Variants in CNTN5 observed in about 807,000 individuals in gnomAD.
CNTN5 encodes contactin 5.
Under a neutral mutation model 129.1 loss-of-function variants are expected in CNTN5, and 77 were observed. The ratio of observed to expected loss-of-function variants is 0.60; its 90% confidence interval spans 0.50 to 0.72. CNTN5 has a LOEUF of 0.72. CNTN5 is among the 30% of genes least tolerant of loss of function. The probability of loss-of-function intolerance (pLI) is 0.00; values close to 1 mark genes in which losing one functional copy is unlikely to be tolerated. For missense variants in CNTN5, 1,478 were observed against 1,328.8 expected, an observed-to-expected ratio of 1.11 and a Z score of -1.75; for synonymous variants, 509 against 465.6, an observed-to-expected ratio of 1.09 and a Z score of -1.20.
At chr11:99,627,581 A>T (rs1235637970) in intron 3 of CNTN5, among the ~76,000 whole-genome samples, 1 of 152,108 alleles carries the variant, frequency 6.6e-6, no homozygotes, top group East Asian at 1.9e-4. Context: ...ATTTAGAAGA[A>T]ATATGTGTCT....
At chr11:99,084,253 T>C (rs1324175709) in intron 1 of CNTN5, among the ~76,000 whole-genome samples, 1 of 152,232 alleles carries the variant, frequency 6.6e-6, no homozygotes, top group Non-Finnish European at 1.5e-5. Context: ...AGTAATTCTT[T>C]GAATCTTCAA....
chr11:99,357,261 A>G (rs1014420827), intron 2 of CNTN5, among the ~76,000 whole-genome samples: 1 of 152,136 alleles, frequency 6.6e-6, no homozygotes, highest in Non-Finnish European at 1.5e-5. Context: ...TAAAATTCTC[A>G]GACTTCAATA....
chr11:99,365,038 T>C (rs1415476443), intron 2 of CNTN5, among the ~76,000 whole-genome samples: 5 of 152,106 alleles, frequency 3.3e-5, no homozygotes, highest in Non-Finnish European at 7.4e-5. Context: ...AAAAACCTAA[T>C]TAAGGATCTA....
intron 2 of CNTN5, among the ~76,000 whole-genome samples, chr11:99,380,235 C>CT (rs1940456419): frequency 1.3e-5 from 2 of 151,970 alleles, no homozygotes. Context: ...GATGTTTATA[C>CT]TTTTTTTCAG....
chr11:99,615,132 G>T (rs1950720875), intron 3 of CNTN5, among the ~76,000 whole-genome samples: 1 of 150,080 alleles, frequency 6.7e-6, no homozygotes, highest in African/African-American at 2.4e-5. Context: ...TCTTGCCGAG[G>T]AAGAGTGAAT....
intron 21 of CNTN5, among the ~76,000 whole-genome samples, chr11:100,319,533 C>T (rs1951642572): frequency 6.6e-6 from 1 of 152,166 alleles, no homozygotes; most frequent in African/African-American, 2.4e-5. Context: ...CATACAATGA[C>T]TAAATCTAGC....
At chr11:99,502,490 G>A (rs1946463642) in intron 2 of CNTN5, among the ~76,000 whole-genome samples, 1 of 152,060 alleles carries the variant, frequency 6.6e-6, no homozygotes, top group Non-Finnish European at 1.5e-5. Context: ...GGTTTTATAA[G>A]GAGCTCTTCC....
intron 1 of CNTN5, among the ~76,000 whole-genome samples, chr11:99,096,202 AAAT>A (rs1222018850): frequency 6.6e-6 from 1 of 151,938 alleles, no homozygotes; most frequent in Non-Finnish European, 1.5e-5. Context: ...TGGTTTTGAA[AAAT>A]AATTGGTTTT....
intron 3 of CNTN5, among the ~76,000 whole-genome samples, chr11:99,754,835 A>T (rs957787222): frequency 1.3e-5 from 2 of 152,160 alleles, no homozygotes; most frequent in African/African-American, 4.8e-5. Flanking sequence ...GGTTTTGACA[A>T]ATGTAAAATA....
At chr11:99,374,113 C>A (rs542496800) in intron 2 of CNTN5, among the ~76,000 whole-genome samples, 3 of 152,122 alleles carry the variant, frequency 2.0e-5, no homozygotes, top group Admixed American at 2.0e-4. Flanking sequence ...ATTTGCAATT[C>A]GCTAACTGGT....
intron 13 of CNTN5, among the ~76,000 whole-genome samples, chr11:100,106,534 T>C (rs576138659): frequency 5.2e-4 from 79 of 152,322 alleles, no homozygotes; most frequent in African/African-American, 1.9e-3. Flanking sequence ...TCTACCGTTG[T>C]AATTTAAGAA....
At chr11:100,180,899 C>G (rs1948119060) in intron 13 of CNTN5, among the ~76,000 whole-genome samples, 1 of 151,876 alleles carries the variant, frequency 6.6e-6, no homozygotes, top group African/African-American at 2.4e-5. Context: ...AAAACATCAC[C>G]CACTGCTAAC....
intron 1 of CNTN5, among the ~76,000 whole-genome samples, chr11:99,232,719 A>T (rs892430809): frequency 6.6e-6 from 1 of 152,208 alleles, no homozygotes; most frequent in African/African-American, 2.4e-5. Flanking sequence ...TTATAATTTC[A>T]ATTAGTAATT....
chr11:100,036,064 T>A (rs556469031), intron 9 of CNTN5, among the ~76,000 whole-genome samples: 16 of 152,316 alleles, frequency 1.1e-4, no homozygotes, highest in South Asian at 8.3e-4. Context: ...ATGAATGGTA[T>A]TGCCTAGGTT....
chr11:99,609,198 G>T (rs117873572), intron 3 of CNTN5, among the ~76,000 whole-genome samples: 162 of 152,086 alleles, frequency 1.1e-3, no homozygotes, highest in Admixed American at 1.6e-3. Context: ...ACTTATGGTT[G>T]TTTAAACTTG....
At chr11:99,205,789 T>C (rs1015452244) in intron 1 of CNTN5, among the ~76,000 whole-genome samples, 1 of 152,050 alleles carries the variant, frequency 6.6e-6, no homozygotes, top group Non-Finnish European at 1.5e-5. Flanking sequence ...GCCATAAATA[T>C]ATACAGTTTT....
chr11:99,874,870 G>T (rs1769617016), intron 6 of CNTN5, among the ~76,000 whole-genome samples: 1 of 152,086 alleles, frequency 6.6e-6, no homozygotes, highest in African/African-American at 2.4e-5. Context: ...GGCCATGGGA[G>T]TCCCTTCAAG....
At chr11:99,900,368 GA>G (rs1033877888) in intron 6 of CNTN5, among the ~76,000 whole-genome samples, 2 of 150,606 alleles carry the variant, frequency 1.3e-5, no homozygotes, top group South Asian at 2.1e-4. Context: ...TGCATCTCTG[GA>G]AAAAAAACAC....
At chr11:99,110,802 T>C (rs1857754560) in intron 1 of CNTN5, among the ~76,000 whole-genome samples, 1 of 152,160 alleles carries the variant, frequency 6.6e-6, no homozygotes, top group Non-Finnish European at 1.5e-5. Flanking sequence ...AAAAGTATTT[T>C]AGAAATGGAA....
Sources: gnomAD v4.1 joint callset for allele counts (sites outside exome capture counted in the v4.1 genomes callset) on GRCh38, gnomAD v4.1.1 for gene constraint, MANE v1.5 for transcripts, NCBI Gene and HGNC (gene_info 2026-07-23, HGNC 2026-07-21) for gene names.